The following P4HA1 variants were observed in gnomAD, a reference collection of about 807,000 sequenced individuals.
P4HA1 encodes the protein prolyl 4-hydroxylase subunit alpha 1.
P4HA1 carries 24 observed loss-of-function variants against 72.8 expected under a neutral mutation model. The ratio of observed to expected loss-of-function variants is 0.33; its 90% CI spans 0.24 to 0.46. P4HA1 has a LOEUF of 0.46. Among genes scored for constraint, P4HA1 ranks in the 20% least tolerant of loss-of-function variants. The pLI is 1.00. For missense variants in P4HA1, 446 were observed against 640.6 expected (o/e 0.70, Z 3.28); for synonymous variants, 201 against 218.8 (o/e 0.92, Z 0.72).
At chr10:73,047,389 TTAAA>T (rs2133090607) in intron 7 of P4HA1, among the ~76,000 whole-genome samples, 1 of 151,824 alleles carries the variant, frequency 6.6e-6, no homozygotes, top group South Asian at 2.1e-4. Context: ...GTTCAAATGT[TTAAA>T]TATGAAAAAA....
chr10:73,030,051 GA>G (rs1840399233), intron 10 of P4HA1, among the ~76,000 whole-genome samples: 1 of 152,146 alleles, frequency 6.6e-6, no homozygotes, highest in South Asian at 2.1e-4. Flanking sequence ...CATTTCCCTA[GA>G]TAAGAGTTTT....
intron 13 of P4HA1, among the ~76,000 whole-genome samples, chr10:73,010,546 T>G (rs1035265335): frequency 6.6e-6 from 1 of 152,162 alleles, no homozygotes; most frequent in African/African-American, 2.4e-5. Flanking sequence ...CTCTAAGTAC[T>G]CGTGGCAAGG....
At chr10:73,052,594 T>G (rs1317559671) in intron 6 of P4HA1, among the ~76,000 whole-genome samples, 2 of 152,246 alleles carry the variant, frequency 1.3e-5, no homozygotes, top group African/African-American at 2.4e-5. Context: ...ATATCTTGAT[T>G]TATTATTACC....
rs1330952735 is a variant in P4HA1 at position 73,041,535 on chromosome 10, T to TC, written c.1148+3445dup. Among the ~76,000 whole-genome samples, 9 of 131,934 alleles carry TC rather than the reference T, an allele frequency of 6.8e-5. No individual in the cohort carries two copies. In the Admixed American group the frequency reaches 7.0e-4, roughly 10 times the overall value. 86.6% of individuals were successfully genotyped at this position (131,934 alleles called of 152,430 possible). On this transcript the variant is annotated intron_variant, in intron 9 of 14. Coordinates refer to ENST00000394890, the MANE Select transcript of P4HA1 (RefSeq NM_001017962.3). ...CAGCCTGGGGGCGACAGAGCAAGAC[T>TC]CCATCCCCCCCCCAAAAAAAAAAAA...
intron 5 of P4HA1, among the ~76,000 whole-genome samples, chr10:73,066,898 G>T (rs966066244): frequency 6.6e-6 from 1 of 152,124 alleles, no homozygotes; most frequent in Non-Finnish European, 1.5e-5. Context: ...TAGCCATGCG[G>T]AACTGTGAGT....
chr10:73,080,947 A>G (rs548349204), intron 1 of P4HA1, among the ~76,000 whole-genome samples: 4 of 152,206 alleles, frequency 2.6e-5, no homozygotes, highest in African/African-American at 9.6e-5. Context: ...AACAAAACAA[A>G]CAATGGTTTC....
At chr10:73,053,775 G>A (rs572017167) in intron 5 of P4HA1, among the ~76,000 whole-genome samples, 185 bp from the exon 6 acceptor site, 1 of 152,028 alleles carries the variant, frequency 6.6e-6, no homozygotes, top group African/African-American at 2.4e-5. Context: ...AGATAAACAA[G>A]AATCACACAG....
intron 14 of P4HA1, among the ~76,000 whole-genome samples, chr10:73,008,807 CA>C (rs1157424458): frequency 6.7e-6 from 1 of 150,186 alleles, no homozygotes; most frequent in African/African-American, 2.5e-5. Flanking sequence ...AAATGTATCC[CA>C]AAAGCAGTTA....
At chr10:73,048,371 C>T (rs1399203265) in intron 7 of P4HA1, among the ~76,000 whole-genome samples, 1 of 152,194 alleles carries the variant, frequency 6.6e-6, no homozygotes, top group Non-Finnish European at 1.5e-5. Flanking sequence ...TCAAGCAATT[C>T]TCCTGCCTCA....
rs1402288990 is a variant in P4HA1 at position 73,051,045 on chromosome 10, C to T, written c.900+8G>A. On this transcript the variant is annotated splice_region_variant and intron_variant, in intron 7 of 14. Transcript: ENST00000394890. ...TTCACATACACACAATTGGCTTTTC[C>T]ACTTTACCATTTTGATACCCTCCCC... is the stretch of plus-strand genomic sequence containing the variant. The T allele has an allele frequency of 2.5e-6, 4 of 1,609,370 alleles. No homozygotes were observed. The Admixed American group carries it at 6.7e-5, about 27-fold the overall frequency.
At chr10:73,074,733 G>A (rs1841655430) in intron 2 of P4HA1, 75 bp downstream of exon 2, 4 of 801,392 alleles carry the variant, frequency 5.0e-6, no homozygotes, top group East Asian at 2.5e-5. Flanking sequence ...ATTTGTTTTT[G>A]CTGATTTTAA....
chr10:73,093,907 T>TATATATATATACAC (rs1256283876), intron 1 of P4HA1, among the ~76,000 whole-genome samples: 25 of 55,610 alleles, frequency 4.5e-4, no homozygotes, highest in African/African-American at 2.2e-3. Context: ...TATATATATA[T>TATATATATATACAC]ACACACACAC....
chr10:73,054,964 C>T (rs556527386), intron 5 of P4HA1, among the ~76,000 whole-genome samples: 4 of 152,242 alleles, frequency 2.6e-5, no homozygotes, highest in Admixed American at 6.5e-5. Context: ...GGTGGTTTCA[C>T]ACCTGTAATC....
chr10:73,048,707 G>A (rs923606098), intron 7 of P4HA1, among the ~76,000 whole-genome samples: 20 of 151,968 alleles, frequency 1.3e-4, no homozygotes, highest in East Asian at 5.8e-4. Context: ...TGCTTACTGC[G>A]GAAATTTGAA....
intron 1 of P4HA1, among the ~76,000 whole-genome samples, chr10:73,081,378 CAAAAGTGTTT>C (rs1841819958): frequency 1.3e-5 from 2 of 151,982 alleles, no homozygotes; most frequent in South Asian, 4.1e-4. Context: ...TAGATAGGTT[CAAAAGTGTTT>C]ATTATATAAT....
At chr10:73,018,152 G>A (rs1459964023) in intron 10 of P4HA1, among the ~76,000 whole-genome samples, 1 of 152,136 alleles carries the variant, frequency 6.6e-6, no homozygotes, top group Non-Finnish European at 1.5e-5. Context: ...CCAACTCCCT[G>A]AGGCAGGAGC....
intron 9 of P4HA1, among the ~76,000 whole-genome samples, chr10:73,036,155 C>T (rs977662033): frequency 2.8e-5 from 4 of 143,962 alleles, no homozygotes; most frequent in Admixed American, 7.2e-5. Flanking sequence ...CCATTGCACT[C>T]GAGTCTGGGC....
chr10:73,034,183 C>T (rs973143787), intron 9 of P4HA1, among the ~76,000 whole-genome samples: 7 of 152,114 alleles, frequency 4.6e-5, no homozygotes, highest in African/African-American at 1.4e-4. Flanking sequence ...CACTGCACTC[C>T]AGCCTGGGCC....
At chr10:73,072,419 T>C (rs1841585454) in intron 3 of P4HA1, among the ~76,000 whole-genome samples, 1 of 152,202 alleles carries the variant, frequency 6.6e-6, no homozygotes, top group Non-Finnish European at 1.5e-5. Flanking sequence ...TTACAGTAAA[T>C]GGAACCTCCC....
Sources: gnomAD v4.1 joint callset for allele counts (sites outside exome capture counted in the v4.1 genomes callset) on GRCh38, gnomAD v4.1.1 for gene constraint, MANE v1.5 for transcripts, NCBI Gene and HGNC (gene_info 2026-07-23, HGNC 2026-07-21) for gene names.